TAF4: variants seen among roughly 807,000 people sequenced by gnomAD.
The protein encoded by TAF4 is TATA-box binding protein associated factor 4.
In TAF4, 9 loss-of-function variants were observed where a neutral mutation model predicts 90.3. That is an observed-to-expected ratio of 0.10 (90% confidence interval 0.06 to 0.17). The LOEUF (loss-of-function observed/expected upper bound fraction) is 0.17, where lower values mean the gene tolerates loss of function less well. Among genes scored for constraint, TAF4 ranks in the 10% least tolerant of loss-of-function variants. TAF4 has a pLI of 1.00. For synonymous variants in TAF4, 818 were observed against 638.9 expected, an observed-to-expected ratio of 1.28 and a Z score of -4.23; for missense variants, 1,351 against 1,370.7, an observed-to-expected ratio of 0.99 and a Z score of 0.23.
intron 1 of TAF4, among the ~76,000 whole-genome samples, chr20:62,050,378 G>A (rs11204457): frequency 0.099 from 14,997 of 152,072 alleles, 1,204 homozygotes; most frequent in East Asian, 0.44. Context: ...GTCTCCTCCT[G>A]GCACCTCTGC....
intron 1 of TAF4, among the ~76,000 whole-genome samples, chr20:62,060,197 T>C (rs577948535): frequency 1.4e-4 from 22 of 152,320 alleles, no homozygotes; most frequent in Admixed American, 3.3e-4. Flanking sequence ...GAAGGCCAAC[T>C]TCCCAGGCGC....
At chr20:62,045,566 T>C (rs6089625) in intron 1 of TAF4, among the ~76,000 whole-genome samples, 103,214 of 152,168 alleles carry the variant, frequency 0.68, 35,027 homozygotes, top group Middle Eastern at 0.77. Context: ...TAGCATGCGT[T>C]TCTTTTCCAT....
chr20:62,012,633 G>T, intron 3 of TAF4, 182 bp downstream of exon 3: 1 of 780,250 alleles, frequency 1.3e-6, no homozygotes, highest in Non-Finnish European at 1.9e-6. Context: ...AAGAAATCCT[G>T]ACTTATCCCA....
chr20:62,045,834 G>A (rs1003428409), intron 1 of TAF4, among the ~76,000 whole-genome samples: 2 of 152,202 alleles, frequency 1.3e-5, no homozygotes, highest in African/African-American at 2.4e-5. Context: ...CAGAACTGAC[G>A]CTCGGGGTAC....
At chr20:62,023,190 C>T (rs1242134605) in intron 1 of TAF4, among the ~76,000 whole-genome samples, 2 of 152,242 alleles carry the variant, frequency 1.3e-5, no homozygotes. Context: ...GCCTGTCATC[C>T]CAGCACTTCA....
Position 62,065,176 on chromosome 20 carries a change from G to A in TAF4, c.635C>T (p.Ala212Val), listed in dbSNP as rs201112070. The A allele has an allele frequency of 2.4e-3, 2,892 of 1,213,806 alleles. 3 individuals carry two copies. The highest frequency in any genetic ancestry group is 2.7e-3 in the Non-Finnish European group (2,595 of 950,538). The allele number at this position is 1,213,806 out of a possible 1,614,324, so 75.2% of individuals were successfully genotyped here. A position where few individuals can be genotyped will look rare whatever the true frequency, so the allele number is the denominator to read the frequency against. The change falls in exon 1 of 15, where the codon GCA (alanine) becomes GTA (valine). Residue 212 changes from alanine to valine, a missense_variant. This residue lies in a region of TAF4 where 782 missense variants were observed against 536.6 expected (regional missense o/e 1.46). Transcript: ENST00000252996. ...AALLNSHHAA[A>V]PAVSLVNNGP... ...GTTGTTGACCAGGCTGACAGCAGGT[G>A]CGGCGGCGTGGTGCGAGTTCAGCAG...
Position 62,054,390 on chromosome 20 carries a change from A to C in TAF4, c.1360+10061T>G, listed in dbSNP as rs186651579. On this transcript the variant is annotated intron_variant, in intron 1 of 14. Coordinates refer to ENST00000252996, the MANE Select transcript of TAF4 (RefSeq NM_003185.4). ...GATCTGTGAATTTGTGCACGCCAAC[A>C]TGCGGCAGGAAGGCGAGGACTGCAC... Among the ~76,000 whole-genome samples, 244 of 152,306 alleles carry C rather than the reference A, an allele frequency of 1.6e-3. 2 individuals carry two copies. The highest frequency in any genetic ancestry group is 3.0e-3 in the Admixed American group (46 of 15,296).
chr20:62,016,207 G>A (rs539929923), intron 1 of TAF4, among the ~76,000 whole-genome samples: 19 of 152,334 alleles, frequency 1.2e-4, no homozygotes, highest in East Asian at 1.2e-3. Flanking sequence ...CGGCGCCTGG[G>A]GACCCCAAAA....
intron 1 of TAF4, among the ~76,000 whole-genome samples, chr20:62,043,511 C>T (rs193155506): frequency 4.6e-5 from 7 of 152,240 alleles, no homozygotes; most frequent in Admixed American, 2.0e-4. Context: ...GCATAGAGTG[C>T]CCCAGAGCCT....
At chr20:61,998,332 G>T in intron 12 of TAF4, 140 bp from the exon 13 acceptor site, 1 of 845,158 alleles carries the variant, frequency 1.2e-6, no homozygotes, top group Non-Finnish European at 1.7e-6. Context: ...AATGCTTATA[G>T]CCAAAGATGA....
chr20:61,991,120 A>T (rs6089589), intron 14 of TAF4, among the ~76,000 whole-genome samples: 2 of 152,312 alleles, frequency 1.3e-5, no homozygotes, highest in African/African-American at 2.4e-5. Flanking sequence ...ATAATTTTTT[A>T]AAAAAGAGAA....
In TAF4 at chr20:62,006,491, T is replaced by G. The variant is rs2055745933; in HGVS notation, c.2223+19A>C. 6.7e-7 allele frequency: 1 copy of G among 1,485,352 alleles called. No homozygotes were observed. The highest frequency in any genetic ancestry group is 8.9e-7 in the Non-Finnish European group (1 of 1,117,372). The allele number at this position is 1,485,352 out of a possible 1,614,324, so 92.0% of individuals were successfully genotyped here. A position where few individuals can be genotyped will look rare whatever the true frequency, so the allele number is the denominator to read the frequency against. On this transcript the variant is annotated intron_variant, in intron 7 of 14. Coordinates refer to ENST00000252996, the MANE Select transcript of TAF4 (RefSeq NM_003185.4). The surrounding 1 kb of genome is among the most constrained non-coding windows in gnomAD (Gnocchi z 7.0). The stretch of plus-strand genomic sequence containing the variant: ...AGGCACGGTGGGCTGTGCAGACCAG[T>G]CAGGCGCCCCTTCCATACCAGCGGT...
chr20:62,036,223 C>T (rs915114635), intron 1 of TAF4, among the ~76,000 whole-genome samples: 6 of 152,178 alleles, frequency 3.9e-5, no homozygotes, highest in Non-Finnish European at 7.3e-5. Context: ...TGGAGTTTCA[C>T]CATGTTGGCC....
chr20:62,009,067 G>C lies in TAF4; in HGVS notation c.1869C>G (p.Leu623=), dbSNP rs1362181506. ...GGTTTCTCACCAGTAAATTCTGCACGAGCTCTTTCACATTAGCTGCTGTCT... is the reference window on the plus strand; with the variant it reads ...GGTTTCTCACCAGTAAATTCTGCACCAGCTCTTTCACATTAGCTGCTGTCT... The part of the protein sequence containing the change: ...STETAANVKE[L]VQNLLDGKIE... Residue 623 remains leucine (L), a synonymous_variant, in exon 5 of 15, where the codon CTC becomes CTG. Coordinates refer to ENST00000252996, the MANE Select transcript of TAF4 (RefSeq NM_003185.4). 13 of 1,612,864 alleles carry C rather than the reference G, an allele frequency of 8.1e-6. No individual in the cohort carries two copies. The highest frequency in any genetic ancestry group is 1.1e-5 in the Non-Finnish European group (13 of 1,179,652).
intron 6 of TAF4, 75 bp downstream of exon 6, chr20:62,007,472 C>G (rs1444786990): frequency 6.9e-7 from 1 of 1,444,496 alleles, no homozygotes; most frequent in East Asian, 2.3e-5. Flanking sequence ...CATCCTCGCC[C>G]TGCACACTTG....
At chr20:62,021,392 G>A (rs964307311) in intron 1 of TAF4, among the ~76,000 whole-genome samples, 7 of 152,324 alleles carry the variant, frequency 4.6e-5, no homozygotes, top group East Asian at 1.9e-4. Flanking sequence ...GGGCCAGGGC[G>A]CTGGGGCTGG....
At chr20:62,038,792 C>G (rs1024067442) in intron 1 of TAF4, among the ~76,000 whole-genome samples, 1 of 152,204 alleles carries the variant, frequency 6.6e-6, no homozygotes, top group African/African-American at 2.4e-5. Context: ...GTGGCTCACA[C>G]CTGTAATCCC....
At chr20:62,022,970 A>C (rs1263444495) in intron 1 of TAF4, among the ~76,000 whole-genome samples, 1 of 151,968 alleles carries the variant, frequency 6.6e-6, no homozygotes, top group Non-Finnish European at 1.5e-5. Flanking sequence ...AAGTGAAGGG[A>C]CGTGCACTGT....
At chr20:62,016,077 G>A (rs762863792) in intron 1 of TAF4, among the ~76,000 whole-genome samples, 5 of 152,198 alleles carry the variant, frequency 3.3e-5, no homozygotes, top group East Asian at 1.9e-4. Flanking sequence ...CTCCGTCTCC[G>A]AGTCTGTGCC....
Sources: allele counts gnomAD v4.1 joint callset (sites outside exome capture counted in the v4.1 genomes callset), GRCh38; gene constraint gnomAD v4.1.1; regional missense constraint gnomAD v4.1.1; non-coding constraint Gnocchi (gnomAD v3.1); transcripts MANE v1.5; gene names NCBI Gene and HGNC (gene_info 2026-07-23, HGNC 2026-07-21).